The following PREX2 variants were observed in gnomAD, a reference collection of about 807,000 sequenced individuals.
The protein encoded by PREX2 is phosphatidylinositol-3,4,5-trisphosphate dependent Rac exchange factor 2.
A neutral mutation model predicts 203.2 loss-of-function variants in PREX2; 107 were observed. The ratio of observed to expected loss-of-function variants is 0.53; its 90% confidence interval spans 0.45 to 0.62. The LOEUF (loss-of-function observed/expected upper bound fraction) is 0.62. Among genes scored for constraint, PREX2 ranks in the 20% least tolerant of loss-of-function variants. The probability of loss-of-function intolerance (pLI) is 0.00; values close to 1 mark genes in which losing one functional copy is unlikely to be tolerated. For synonymous variants in PREX2, 672 were observed against 663.6 expected (o/e 1.01, Z -0.19); for missense variants, 1,777 against 1,955.9 (o/e 0.91, Z 1.72).
At chr8:68,066,537 G>A (rs542581665) in intron 11 of PREX2, among the ~76,000 whole-genome samples, 5 of 151,998 alleles carry the variant, frequency 3.3e-5, no homozygotes, top group Non-Finnish European at 5.9e-5. Context: ...ATTTATTTAG[G>A]TTCTTCACCC....
chr8:68,017,590 T>C (rs943123565), intron 1 of PREX2, among the ~76,000 whole-genome samples: 1 of 152,192 alleles, frequency 6.6e-6, no homozygotes, highest in African/African-American at 2.4e-5. Flanking sequence ...CTTCACAACT[T>C]TGAGATCCTG....
At chr8:68,225,510 A>G (rs1813041597) in intron 39 of PREX2, among the ~76,000 whole-genome samples, 1 of 152,212 alleles carries the variant, frequency 6.6e-6, no homozygotes, top group Non-Finnish European at 1.5e-5. Context: ...AGGTTCTTCC[A>G]AACACTGCCA....
chr8:68,182,690 A>G, intron 35 of PREX2, among the ~76,000 whole-genome samples: 1 of 151,968 alleles, frequency 6.6e-6, no homozygotes, highest in East Asian at 1.9e-4. Flanking sequence ...TCAGTTCAAT[A>G]CTACATTAAG....
intron 13 of PREX2, among the ~76,000 whole-genome samples, chr8:68,070,213 A>T (rs1452494886): frequency 1.3e-5 from 2 of 151,746 alleles, no homozygotes; most frequent in African/African-American, 4.8e-5. Flanking sequence ...TACTGTTTAC[A>T]TATTTGCCAT....
chr8:68,156,977 T>C (rs1452583148), intron 34 of PREX2, among the ~76,000 whole-genome samples: 1 of 152,284 alleles, frequency 6.6e-6, no homozygotes, highest in East Asian at 1.9e-4. Flanking sequence ...ATAATCCTTA[T>C]GCCAATGAGG....
At chr8:68,069,722 A>T (rs192475942) in intron 12 of PREX2, 113 bp from the exon 13 acceptor site, 5 of 551,442 alleles carry the variant, frequency 9.1e-6, no homozygotes, top group Middle Eastern at 3.9e-4. Context: ...ATTGGTTTAG[A>T]TTTTGTGATG....
Position 68,115,898 on chromosome 8 carries a change from G to A in PREX2, c.3292G>A (p.Gly1098Ser). ...AGCAGGAGATGAACAGGAAGATTCT[G>A]GTCATGACACCATCAGCAACAGAGA... Reference protein sequence around the residue: ...NVAGDEQEDSGHDTISNRDSY... With the variant: ...NVAGDEQEDSSHDTISNRDSY... Residue 1098 changes from glycine (G) to serine (S), a missense_variant, in exon 26 of 40, where the codon GGT becomes AGT. Gly to Ser is a moderately conservative substitution (Grantham distance 56). Coordinates refer to ENST00000288368, the MANE Select transcript of PREX2 (RefSeq NM_024870.4). 6.2e-7 allele frequency: 1 copy of A among 1,612,822 alleles called. No homozygotes were observed. The highest frequency in any genetic ancestry group is 8.5e-7 in the Non-Finnish European group (1 of 1,179,596).
intron 17 of PREX2, 23 bp downstream of exon 17, chr8:68,080,861 T>G: frequency 8.2e-7 from 1 of 1,225,478 alleles, no homozygotes; most frequent in Non-Finnish European, 1.2e-6. Context: ...AGCGTTTTAA[T>G]TTAAATTTGT....
At chr8:67,980,306 C>T (rs549249659) in intron 1 of PREX2, among the ~76,000 whole-genome samples, 13 of 152,116 alleles carry the variant, frequency 8.5e-5, no homozygotes, top group Non-Finnish European at 1.2e-4. Context: ...CTCCACTCTA[C>T]TTTTTAACTT....
At chr8:68,210,473 G>A (rs566133961) in intron 37 of PREX2, among the ~76,000 whole-genome samples, 14 of 152,258 alleles carry the variant, frequency 9.2e-5, no homozygotes, top group African/African-American at 3.4e-4. Flanking sequence ...TCCTGACAGT[G>A]GGCATGCTGA....
chr8:68,063,204 G>A (rs556665472), intron 11 of PREX2, among the ~76,000 whole-genome samples: 14 of 152,162 alleles, frequency 9.2e-5, no homozygotes, highest in South Asian at 2.1e-4. Flanking sequence ...TAATAGGATC[G>A]CATAGATCTT....
chr8:68,080,679 C>T (rs1809493182), intron 16 of PREX2, 67 bp from the exon 17 acceptor site: 9 of 1,436,662 alleles, frequency 6.3e-6, no homozygotes, highest in South Asian at 2.5e-5. Flanking sequence ...CACATTACTT[C>T]GTTCTGTTTG....
chr8:68,004,344 T>C (rs1345011993), intron 1 of PREX2, among the ~76,000 whole-genome samples: 2 of 152,244 alleles, frequency 1.3e-5, no homozygotes, highest in African/African-American at 2.4e-5. Flanking sequence ...GCTATGACTA[T>C]TTATGATAGA....
chr8:68,134,751 T>A (rs973131338), intron 32 of PREX2, among the ~76,000 whole-genome samples: 8 of 152,216 alleles, frequency 5.3e-5, no homozygotes, highest in Non-Finnish European at 7.3e-5. Context: ...ATAATTTTAG[T>A]TCTTTTCTTT....
chr8:68,089,842 T>A (rs917234106), intron 19 of PREX2, among the ~76,000 whole-genome samples: 1 of 152,240 alleles, frequency 6.6e-6, no homozygotes, highest in African/African-American at 2.4e-5. Flanking sequence ...ATTCATTACA[T>A]GTATTTATTA....
intron 23 of PREX2, chr8:68,105,049 G>A (rs1454128895): frequency 3.1e-6 from 3 of 971,430 alleles, no homozygotes; most frequent in Non-Finnish European, 4.4e-6. Context: ...AAGATAGGCA[G>A]ATTGATGTTT....
chr8:68,117,912 T>C (rs146087947), intron 26 of PREX2, among the ~76,000 whole-genome samples: 76 of 152,338 alleles, frequency 5.0e-4, no homozygotes, highest in African/African-American at 1.7e-3. Context: ...TATTAGCAAG[T>C]TATCTAATTA....
chr8:68,070,723 A>G (rs1809169560), intron 13 of PREX2, among the ~76,000 whole-genome samples: 1 of 152,108 alleles, frequency 6.6e-6, no homozygotes, highest in Non-Finnish European at 1.5e-5. Flanking sequence ...TAGTGTTTCT[A>G]TTTTTCACTT....
chr8:67,953,155 C>A (rs998498569), intron 1 of PREX2, among the ~76,000 whole-genome samples: 1 of 150,444 alleles, frequency 6.6e-6, no homozygotes, highest in African/African-American at 2.4e-5. Flanking sequence ...TCACCCTGTC[C>A]TAGTCTTACA....
Sources: allele counts gnomAD v4.1 joint callset (sites outside exome capture counted in the v4.1 genomes callset), GRCh38; gene constraint gnomAD v4.1.1; transcripts MANE v1.5; gene names NCBI Gene and HGNC (gene_info 2026-07-23, HGNC 2026-07-21).